Variants in ERO1A observed in about 807,000 individuals in gnomAD.
The protein encoded by ERO1A is endoplasmic reticulum oxidoreductase 1 alpha.
Under a neutral mutation model 76.9 loss-of-function variants are expected in ERO1A, and 49 were observed. The observed-to-expected ratio is 0.64, with a 90% CI of 0.51 to 0.81. ERO1A has a LOEUF of 0.81. Ranked by LOEUF, ERO1A falls within the 30% of genes least tolerant of loss-of-function variation. ERO1A has a pLI of 0.00. For missense variants in ERO1A, 448 were observed against 542.1 expected (o/e 0.83, Z 1.72); for synonymous variants, 174 against 181.2 (o/e 0.96, Z 0.32).
At chr14:52,651,989 C>T (rs1389769584) in intron 13 of ERO1A, among the ~76,000 whole-genome samples, 1 of 133,884 alleles carries the variant, frequency 7.5e-6, no homozygotes, top group Non-Finnish European at 1.6e-5. Context: ...CTACTCTCTA[C>T]TTTTTTTTTT....
At chr14:52,675,234 T>G (rs913100799) in intron 4 of ERO1A, among the ~76,000 whole-genome samples, 2 of 151,912 alleles carry the variant, frequency 1.3e-5, no homozygotes, top group African/African-American at 4.8e-5. Context: ...AAATACAAAA[T>G]TAGCTGGGCA....
At position 52,642,292 on chromosome 14, in the gene ERO1A, G is replaced by C. The variant is rs2039501491; in HGVS notation, c.*1278C>G. On this transcript the variant is annotated 3_prime_UTR_variant, in exon 16 of 16. Transcript: ENST00000395686. ...AGACACCTGTATTCCCAGCTACTTG[G>C]GAGGCTGAGGTGGGAAGATCACTTC... 1 of 152,130 alleles carries C rather than the reference G, an allele frequency of 6.6e-6. No homozygotes were observed. The highest frequency in any genetic ancestry group is 6.5e-5 in the Admixed American group (1 of 15,276). 9.4% of individuals were successfully genotyped at this position (152,130 alleles called of 1,614,324 possible).
At chr14:52,684,987 T>C (rs974506405) in intron 1 of ERO1A, among the ~76,000 whole-genome samples, 1 of 152,126 alleles carries the variant, frequency 6.6e-6, no homozygotes, top group Non-Finnish European at 1.5e-5. Context: ...AAAGAGATCT[T>C]TATACTTTGG....
At chr14:52,655,296 C>T (rs973122676) in intron 11 of ERO1A, among the ~76,000 whole-genome samples, 2 of 151,754 alleles carry the variant, frequency 1.3e-5, no homozygotes, top group African/African-American at 4.8e-5. Context: ...ATCCTGGAGG[C>T]AGATGTTGTA....
At chr14:52,667,032 T>A (rs1173551175) in intron 6 of ERO1A, among the ~76,000 whole-genome samples, 1 of 152,200 alleles carries the variant, frequency 6.6e-6, no homozygotes, top group Non-Finnish European at 1.5e-5. Flanking sequence ...AAAATAGGAA[T>A]ACGTGAATTT....
intron 9 of ERO1A, among the ~76,000 whole-genome samples, chr14:52,660,585 ATTG>A (rs934515045): frequency 3.3e-5 from 5 of 152,206 alleles, no homozygotes; most frequent in African/African-American, 1.2e-4. Flanking sequence ...ATAAAATAGC[ATTG>A]TTATCAGACT....
chr14:52,652,074 C>T (rs536677337), intron 13 of ERO1A, among the ~76,000 whole-genome samples, 165 bp downstream of exon 13: 1 of 151,362 alleles, frequency 6.6e-6, no homozygotes, highest in East Asian at 1.9e-4. Flanking sequence ...TCAAGCAATC[C>T]TCCCACCTCA....
intron 6 of ERO1A, among the ~76,000 whole-genome samples, chr14:52,670,622 G>A (rs1343474010): frequency 2.6e-5 from 4 of 152,108 alleles, no homozygotes; most frequent in African/African-American, 7.2e-5. Flanking sequence ...TCACAGACTC[G>A]ACTAACGGTT....
At chr14:52,675,693 G>A (rs2040761447) in intron 4 of ERO1A, among the ~76,000 whole-genome samples, 1 of 152,038 alleles carries the variant, frequency 6.6e-6, no homozygotes, top group Non-Finnish European at 1.5e-5. Flanking sequence ...GGAGTACAGT[G>A]GTGAAATCAC....
chr14:52,673,691 T>C (rs2040686255), intron 4 of ERO1A, among the ~76,000 whole-genome samples: 1 of 152,222 alleles, frequency 6.6e-6, no homozygotes, highest in Non-Finnish European at 1.5e-5. Flanking sequence ...TCTCAAAAAT[T>C]TCACAATCAT....
intron 1 of ERO1A, among the ~76,000 whole-genome samples, chr14:52,684,222 G>C (rs2041102456): frequency 6.6e-6 from 1 of 151,722 alleles, no homozygotes; most frequent in East Asian, 1.9e-4. Context: ...CCTGACCAAG[G>C]GTAGGCATCC....
rs372234448 is a variant in ERO1A at position 52,642,136 on chromosome 14, C to T, written c.*1434G>A. The T allele has an allele frequency of 6.6e-5, 10 of 152,246 alleles. No individual in the cohort carries two copies. Among genetic ancestry groups the T allele is most frequent in the African/African-American group, 2.4e-4 (10 of 41,540 alleles). The allele number at this position is 152,246 out of a possible 1,614,324, so 9.4% of individuals were successfully genotyped here. A position where few individuals can be genotyped will look rare whatever the true frequency, so the allele number is the denominator to read the frequency against. On this transcript the variant is annotated 3_prime_UTR_variant, in exon 16 of 16. Coordinates refer to ENST00000395686, the MANE Select transcript of ERO1A (RefSeq NM_014584.3). ...TTACCATGTGATATAAATTCCTAAA[C>T]CCCTTCAAATAGCTTTATAAATGAA...
At chr14:52,674,815 A>G (rs552530096) in intron 4 of ERO1A, among the ~76,000 whole-genome samples, 1 of 152,364 alleles carries the variant, frequency 6.6e-6, no homozygotes, top group South Asian at 2.1e-4. Context: ...ACACAGGTAT[A>G]TGCATTTGTC....
chr14:52,695,435 C>T lies in ERO1A; in HGVS notation c.47G>A (p.Trp16Ter). The change falls in exon 1 of 16, where the codon TGG (tryptophan) becomes TAG (stop). Residue 16 changes from tryptophan to a stop codon, truncating the protein, a stop_gained. Transcript: ENST00000395686. LOFTEE classifies it high-confidence loss of function. Reference sequence around the variant, plus strand: ...CTCTCCGTGGCCCGAGCTGAGCAGCCACACGGCGCCCAGGAGGCCAAACAA... The same window carrying T: ...CTCTCCGTGGCCCGAGCTGAGCAGCTACACGGCGCCCAGGAGGCCAAACAA... ...GFLFGLLGAV[W>*]LLSSGHGEEQ... 6.4e-7 allele frequency: 1 copy of T among 1,553,520 alleles called. No homozygotes were observed. Among genetic ancestry groups the T allele is most frequent in the South Asian group, 1.2e-5 (1 of 83,832 alleles).
At chr14:52,664,213 G>A (rs2040327713) in intron 7 of ERO1A, 1 of 153,822 alleles carries the variant, frequency 6.5e-6, no homozygotes, top group Non-Finnish European at 1.4e-5. Flanking sequence ...CTAAATGAAA[G>A]ACAAATAAGC....
intron 8 of ERO1A, among the ~76,000 whole-genome samples, chr14:52,663,014 G>A (rs1436600619): frequency 2.0e-5 from 3 of 152,118 alleles, no homozygotes; most frequent in African/African-American, 7.2e-5. Context: ...AAATACTTCT[G>A]GTTACAAGGA....
rs2039433528 is a variant in ERO1A at position 52,640,389 on chromosome 14, A to G, written c.*3181T>C. 6.6e-6 allele frequency: 1 copy of G among 152,246 alleles called. No homozygotes were observed. The highest frequency in any genetic ancestry group is 1.5e-5 in the Non-Finnish European group (1 of 68,058). The allele number at this position is 152,246 out of a possible 1,614,324, so 9.4% of individuals were successfully genotyped here. A position where few individuals can be genotyped will look rare whatever the true frequency, so the allele number is the denominator to read the frequency against. The stretch of plus-strand genomic sequence containing the variant: ...GCATACTTGATGCAAAGAGTACAGC[A>G]TTTACCAAGGCGGGAGGCCTGGCCA... On this transcript the variant is annotated 3_prime_UTR_variant, in exon 16 of 16. Transcript: ENST00000395686.
intron 4 of ERO1A, among the ~76,000 whole-genome samples, chr14:52,673,278 C>T (rs924743813): frequency 6.6e-6 from 1 of 151,916 alleles, no homozygotes; most frequent in Non-Finnish European, 1.5e-5. Context: ...TTTTTAGATA[C>T]AGGGTTTCAC....
chr14:52,682,538 G>T lies in ERO1A; in HGVS notation c.235-130C>A, dbSNP rs904238928. The T allele has an allele frequency of 4.7e-6, 3 of 640,902 alleles. No individual in the cohort carries two copies. The African/African-American group carries it at 5.5e-5, about 12-fold the overall frequency. The allele number at this position is 640,902 out of a possible 1,614,324, so 39.7% of individuals were successfully genotyped here. A position where few individuals can be genotyped will look rare whatever the true frequency, so the allele number is the denominator to read the frequency against. On this transcript the variant is annotated intron_variant, in intron 2 of 15. Transcript: ENST00000395686. ...AATACAGTATTTCTTCCACCTATCT[G>T]TTGCCAGTTTATAACAACTGCATAA...
Sources: gnomAD v4.1 joint callset for allele counts (sites outside exome capture counted in the v4.1 genomes callset) on GRCh38, gnomAD v4.1.1 for gene constraint, MANE v1.5 for transcripts, NCBI Gene and HGNC (gene_info 2026-07-23, HGNC 2026-07-21) for gene names.